The following SHANK2 variants were observed in gnomAD, a reference collection of about 807,000 sequenced individuals.
SHANK2 encodes the protein SH3 and multiple ankyrin repeat domains 2.
SHANK2 carries 43 observed loss-of-function variants against 133.7 expected under a neutral mutation model. The ratio of observed to expected loss-of-function variants is 0.32; its 90% confidence interval spans 0.25 to 0.41. The LOEUF (loss-of-function observed/expected upper bound fraction) is 0.41. Ranked by LOEUF, SHANK2 falls within the 10% of genes least tolerant of loss-of-function variation. SHANK2 has a pLI of 1.00. For synonymous variants in SHANK2, 1,017 were observed against 952.8 expected, an observed-to-expected ratio of 1.07 and a Z score of -1.24; for missense variants, 1,994 against 2,235.8, an observed-to-expected ratio of 0.89 and a Z score of 2.18.
At chr11:71,203,502 C>A (rs1954062863) in intron 2 of SHANK2, among the ~76,000 whole-genome samples, 1 of 152,054 alleles carries the variant, frequency 6.6e-6, no homozygotes, top group African/African-American at 2.4e-5. Context: ...AAGACTGGGT[C>A]CCCAGGACAA....
At chr11:70,769,705 G>A (rs1555042231) in intron 14 of SHANK2, among the ~76,000 whole-genome samples, 2 of 151,812 alleles carry the variant, frequency 1.3e-5, no homozygotes, top group Non-Finnish European at 2.9e-5. Context: ...ATGTGCATAA[G>A]CACACATGTG....
At chr11:71,204,271 A>G (rs1448124781) in intron 2 of SHANK2, among the ~76,000 whole-genome samples, 1 of 152,240 alleles carries the variant, frequency 6.6e-6, no homozygotes, top group Non-Finnish European at 1.5e-5. Context: ...ATGATCTGGA[A>G]GGGGCGTGCT....
At chr11:70,559,111 A>T (rs2059872519) in intron 17 of SHANK2, among the ~76,000 whole-genome samples, 1 of 151,976 alleles carries the variant, frequency 6.6e-6, no homozygotes, top group African/African-American at 2.4e-5. Flanking sequence ...CTCTGCCTCC[A>T]GGGTTCAAGC....
chr11:70,927,863 G>A (rs2135787104), intron 10 of SHANK2, among the ~76,000 whole-genome samples: 1 of 152,250 alleles, frequency 6.6e-6, no homozygotes, highest in Non-Finnish European at 1.5e-5. Context: ...AGAACAAAGG[G>A]AAGAGGAAGG....
intron 14 of SHANK2, among the ~76,000 whole-genome samples, chr11:70,776,684 T>C (rs1407395671): frequency 6.6e-6 from 1 of 151,794 alleles, no homozygotes; most frequent in Non-Finnish European, 1.5e-5. Flanking sequence ...ATCTACCTAG[T>C]CACCCATCCT....
At chr11:70,649,449 C>T (rs2134203648) in intron 17 of SHANK2, among the ~76,000 whole-genome samples, 1 of 152,328 alleles carries the variant, frequency 6.6e-6, no homozygotes, top group East Asian at 1.9e-4. Context: ...CACCCTAATT[C>T]CCAGGGCTGA....
At chr11:70,913,810 G>A (rs781978661) in intron 10 of SHANK2, among the ~76,000 whole-genome samples, 5 of 152,114 alleles carry the variant, frequency 3.3e-5, no homozygotes, top group South Asian at 2.1e-4. Flanking sequence ...TGTCATTGCC[G>A]GATGGCCAGG....
At chr11:70,580,189 C>G (rs529431437) in intron 17 of SHANK2, among the ~76,000 whole-genome samples, 3 of 152,232 alleles carry the variant, frequency 2.0e-5, no homozygotes, top group Admixed American at 6.5e-5. Flanking sequence ...CAGGCTGCTG[C>G]GAAGGGACAC....
At chr11:70,722,507 T>C (rs539768547) in intron 14 of SHANK2, among the ~76,000 whole-genome samples, 26 of 152,358 alleles carry the variant, frequency 1.7e-4, no homozygotes, top group Non-Finnish European at 3.1e-4. Context: ...ACATAGGCGA[T>C]TGTTTTTTCT....
intron 1 of SHANK2, among the ~76,000 whole-genome samples, chr11:71,247,537 G>C (rs1954978246): frequency 6.6e-6 from 1 of 151,564 alleles, no homozygotes; most frequent in Admixed American, 6.6e-5. Flanking sequence ...GGAAGAGGCA[G>C]GCCCCAGCCC....
intron 11 of SHANK2, among the ~76,000 whole-genome samples, chr11:70,853,630 G>A (rs782684786): frequency 3.9e-5 from 6 of 152,202 alleles, no homozygotes; most frequent in Non-Finnish European, 7.3e-5. Context: ...TCTCAGTAAC[G>A]GGAGGGAGAC....
At chr11:70,904,908 A>G (rs1950077488) in intron 10 of SHANK2, among the ~76,000 whole-genome samples, 1 of 152,132 alleles carries the variant, frequency 6.6e-6, no homozygotes, top group Non-Finnish European at 1.5e-5. Context: ...TTCCACCAGT[A>G]TTGTGAGGCC....
rs997164041 is a variant in SHANK2, at chr11:71,175,596, G to C, written c.-12-28258C>G. Reference sequence around the variant, plus strand: ...AGAGAGAGAGAGAGAGAGAGAGAGAGAGAGAGACAGAGACAGAGACATCGC... The same window carrying C: ...AGAGAGAGAGAGAGAGAGAGAGAGACAGAGAGACAGAGACAGAGACATCGC... On this transcript the variant is annotated intron_variant, in intron 2 of 25. Coordinates refer to ENST00000601538, the MANE Select transcript of SHANK2 (RefSeq NM_012309.5). This position sits in a 1 kb window ranked among gnomAD's most constrained non-coding sequence, Gnocchi z 4.2. Among the ~76,000 whole-genome samples, 185 of 142,350 alleles carry C rather than the reference G, an allele frequency of 1.3e-3. 1 individual carries two copies. The highest frequency in any genetic ancestry group is 3.4e-3 in the African/African-American group (128 of 37,362). The allele number at this position is 142,350 out of a possible 152,430, so 93.4% of individuals were successfully genotyped here.
intron 2 of SHANK2, among the ~76,000 whole-genome samples, chr11:71,217,396 C>G (rs1218652200): frequency 6.6e-6 from 1 of 150,884 alleles, no homozygotes; most frequent in African/African-American, 2.4e-5. Flanking sequence ...TCCCAGCTAC[C>G]TGGGAGGCTG....
intron 2 of SHANK2, among the ~76,000 whole-genome samples, chr11:71,162,862 G>A: frequency 6.6e-6 from 1 of 151,698 alleles, no homozygotes; most frequent in Middle Eastern, 3.2e-3. Flanking sequence ...CACGAGGTCA[G>A]GAGATCAAGA....
intron 17 of SHANK2, among the ~76,000 whole-genome samples, chr11:70,575,293 CCT>C (rs1310834243): frequency 6.6e-6 from 1 of 152,130 alleles, no homozygotes; most frequent in Non-Finnish European, 1.5e-5. Flanking sequence ...GGGCGGATCA[CCT>C]GAGGTCAGGA....
intron 15 of SHANK2, among the ~76,000 whole-genome samples, chr11:70,689,777 A>T (rs1469071068): frequency 2.6e-5 from 4 of 152,258 alleles, no homozygotes; most frequent in African/African-American, 9.6e-5. Context: ...AGAACTTCAA[A>T]ATACATGAAG....
At chr11:70,658,284 C>CACAG (rs2061437007) in intron 17 of SHANK2, among the ~76,000 whole-genome samples, 1 of 96,062 alleles carries the variant, frequency 1.0e-5, no homozygotes, top group African/African-American at 5.5e-5. Context: ...CACACACAGA[C>CACAG]ACACACACAC....
intron 17 of SHANK2, among the ~76,000 whole-genome samples, chr11:70,532,355 C>T (rs1384163303): frequency 6.6e-6 from 1 of 152,156 alleles, no homozygotes; most frequent in Non-Finnish European, 1.5e-5. Flanking sequence ...GTGCTCTGCC[C>T]CCCATGCTGT....
Sources: gnomAD v4.1 joint callset for allele counts (sites outside exome capture counted in the v4.1 genomes callset) on GRCh38, gnomAD v4.1.1 for gene constraint, Gnocchi (gnomAD v3.1) non-coding constraint, MANE v1.5 for transcripts, NCBI Gene and HGNC (gene_info 2026-07-23, HGNC 2026-07-21) for gene names.